PRR16: variants seen among roughly 807,000 people sequenced by gnomAD.
The protein encoded by PRR16 is protein Largen.
PRR16 carries 6 observed loss-of-function variants against 18.2 expected under a neutral mutation model. The observed-to-expected ratio is 0.33, with a 90% CI of 0.18 to 0.65. PRR16 has a LOEUF of 0.65. Among genes scored for constraint, PRR16 ranks in the 30% least tolerant of loss-of-function variants. PRR16 has a pLI of 0.74. For missense variants in PRR16, 412 were observed against 376.6 expected (o/e 1.09, Z -0.78); for synonymous variants, 151 against 147.8 (o/e 1.02, Z -0.16).
chr5:120,696,212 A>C, the PRR16 span, among the ~76,000 whole-genome samples: 2 of 152,198 alleles, frequency 1.3e-5, no homozygotes, highest in Non-Finnish European at 2.9e-5. Context: ...ACTGCACTCC[A>C]GCCTGAGTGA....
At chr5:120,782,744 G>A in the PRR16 span, among the ~76,000 whole-genome samples, 1 of 152,076 alleles carries the variant, frequency 6.6e-6, no homozygotes, top group Admixed American at 6.6e-5. Flanking sequence ...ACAGAGCCCT[G>A]AATTTTATTT....
intron 1 of PRR16, among the ~76,000 whole-genome samples, chr5:120,498,015 A>G (rs913338816): frequency 1.5e-4 from 22 of 151,402 alleles, no homozygotes; most frequent in African/African-American, 5.3e-4. Context: ...TAGGCTATTC[A>G]CATTTAATAT....
the PRR16 span, among the ~76,000 whole-genome samples, chr5:120,694,337 A>G: frequency 1.3e-5 from 2 of 152,236 alleles, no homozygotes; most frequent in East Asian, 1.9e-4. Context: ...CATCTGTAGA[A>G]GTCTCATTTT....
chr5:120,711,566 T>C, the PRR16 span, among the ~76,000 whole-genome samples: 16 of 152,338 alleles, frequency 1.1e-4, no homozygotes, highest in South Asian at 4.1e-4. Flanking sequence ...AATCAGTATG[T>C]CACTTTATTA....
chr5:120,567,077 A>G (rs1424889806), intron 1 of PRR16, among the ~76,000 whole-genome samples: 1 of 151,968 alleles, frequency 6.6e-6, no homozygotes, highest in Non-Finnish European at 1.5e-5. Flanking sequence ...ATTTTGTGCT[A>G]TGCTTTCATA....
At chr5:120,665,485 G>C (rs943661946) in intron 1 of PRR16, among the ~76,000 whole-genome samples, 4 of 152,076 alleles carry the variant, frequency 2.6e-5, no homozygotes, top group African/African-American at 7.2e-5. Flanking sequence ...GTCAATTTTG[G>C]CTTTTGTTGC....
At chr5:120,759,458 A>G in the PRR16 span, among the ~76,000 whole-genome samples, 1 of 152,146 alleles carries the variant, frequency 6.6e-6, no homozygotes, top group Non-Finnish European at 1.5e-5. Flanking sequence ...ATTATATAAC[A>G]TTATATGAAA....
chr5:120,630,375 G>A (rs1225138744), intron 1 of PRR16, among the ~76,000 whole-genome samples: 1 of 151,880 alleles, frequency 6.6e-6, no homozygotes, highest in Non-Finnish European at 1.5e-5. Context: ...GTGTACTGTT[G>A]TCTTATACAT....
the PRR16 span, among the ~76,000 whole-genome samples, chr5:120,696,665 G>GTGTT: frequency 1.3e-5 from 2 of 152,294 alleles, no homozygotes; most frequent in African/African-American, 4.8e-5. Context: ...ACAAAGTGGT[G>GTGTT]TGTTAGTATC....
At chr5:120,769,862 C>T in the PRR16 span, among the ~76,000 whole-genome samples, 1 of 151,892 alleles carries the variant, frequency 6.6e-6, no homozygotes, top group Non-Finnish European at 1.5e-5. Flanking sequence ...CATATCCTCA[C>T]TGACACTTGT....
chr5:120,761,971 A>T, the PRR16 span, among the ~76,000 whole-genome samples: 4 of 152,098 alleles, frequency 2.6e-5, no homozygotes, highest in African/African-American at 7.2e-5. Context: ...AAAATATGCA[A>T]TGTTCATCTT....
chr5:120,716,875 A>G, the PRR16 span, among the ~76,000 whole-genome samples: 1 of 151,822 alleles, frequency 6.6e-6, no homozygotes, highest in African/African-American at 2.4e-5. Context: ...CCATCTCAAA[A>G]AAACAAAACA....
the PRR16 span, among the ~76,000 whole-genome samples, chr5:120,785,869 T>G: frequency 1.3e-5 from 2 of 151,748 alleles, no homozygotes; most frequent in Non-Finnish European, 2.9e-5. Flanking sequence ...GCGCCTGGCC[T>G]AGAAGTCTCT....
At chr5:120,760,064 C>T in the PRR16 span, among the ~76,000 whole-genome samples, 19 of 152,094 alleles carry the variant, frequency 1.2e-4, no homozygotes, top group Non-Finnish European at 2.4e-4. Context: ...AATATGCGTA[C>T]TTGTTGATAA....
the PRR16 span, among the ~76,000 whole-genome samples, chr5:120,706,621 G>A: frequency 2.2e-4 from 34 of 152,262 alleles, no homozygotes; most frequent in Middle Eastern, 3.4e-3. Context: ...CTGAGAAAAA[G>A]TAACATTTAC....
intron 1 of PRR16, among the ~76,000 whole-genome samples, chr5:120,472,235 A>C (rs975442926): frequency 6.6e-6 from 1 of 152,184 alleles, no homozygotes; most frequent in Non-Finnish European, 1.5e-5. Flanking sequence ...TGGAAAAAGA[A>C]AATTTGATGA....
intron 1 of PRR16, among the ~76,000 whole-genome samples, chr5:120,634,460 A>G (rs1157357491): frequency 6.6e-6 from 1 of 152,166 alleles, no homozygotes; most frequent in Non-Finnish European, 1.5e-5. Flanking sequence ...CCTGGCCAAC[A>G]TGGTGAAACG....
chr5:120,594,888 A>G (rs1235248427), intron 1 of PRR16, among the ~76,000 whole-genome samples: 2 of 151,836 alleles, frequency 1.3e-5, no homozygotes, highest in Non-Finnish European at 2.9e-5. Context: ...TGGTGTTGGG[A>G]TGACTGGCTA....
chr5:120,686,228 A>G lies in PRR16; in HGVS notation c.434A>G (p.Asn145Ser), dbSNP rs1305411690. The G allele has an allele frequency of 1.9e-6, 3 of 1,613,968 alleles. No homozygotes were observed. Among genetic ancestry groups the G allele is most frequent in the African/African-American group, 1.3e-5 (1 of 74,894 alleles). The change falls in exon 2 of 2, where the codon AAT becomes AGT. Residue 145 changes from asparagine (N) to serine (S), a missense_variant. By Grantham distance (46) the Asn-to-Ser change is conservative. Transcript: ENST00000407149. ...EDPKRVVPTANPVKTNGTLLR... is the reference protein window; with the variant it reads ...EDPKRVVPTASPVKTNGTLLR... ...CCCAAAAGGGTGGTTCCAACTGCCAATCCTGTAAAAACCAATGGCACCCTT... is the reference window on the plus strand; with the variant it reads ...CCCAAAAGGGTGGTTCCAACTGCCAGTCCTGTAAAAACCAATGGCACCCTT...
Sources: allele counts gnomAD v4.1 joint callset (sites outside exome capture counted in the v4.1 genomes callset), GRCh38; gene constraint gnomAD v4.1.1; transcripts MANE v1.5; gene names NCBI Gene and HGNC (gene_info 2026-07-23, HGNC 2026-07-21).